Variants in ABCB11 observed in about 807,000 individuals in gnomAD.
The protein encoded by ABCB11 is ATP binding cassette subfamily B member 11.
In ABCB11, 95 loss-of-function variants were observed where a neutral mutation model predicts 148.0. The observed-to-expected ratio is 0.64, with a 90% CI of 0.54 to 0.76. ABCB11 has a LOEUF of 0.76. Among genes scored for constraint, ABCB11 ranks in the 30% least tolerant of loss-of-function variants. The pLI is 0.00. For synonymous variants in ABCB11, 591 were observed against 555.4 expected, an observed-to-expected ratio of 1.06 and a Z score of -0.90; for missense variants, 1,523 against 1,617.8, an observed-to-expected ratio of 0.94 and a Z score of 1.01.
chr2:169,002,760 T>TTACATAGAAGCAGAG (rs1320913506), intron 5 of ABCB11, among the ~76,000 whole-genome samples: 1 of 151,988 alleles, frequency 6.6e-6, no homozygotes, highest in Non-Finnish European at 1.5e-5. Context: ...AGTAAAATGG[T>TTACATAGAAGCAGAG]AGTTACTAAG....
rs184917626 is a variant in ABCB11 at position 168,927,013 on chromosome 2, T to C, written c.3618+143A>G. 26 of 720,452 alleles carry C rather than the reference T, an allele frequency of 3.6e-5. 1 individual carries two copies. Among genetic ancestry groups the C allele is most frequent in the African/African-American group, 2.8e-4 (16 of 57,034 alleles). The allele number at this position is 720,452 out of a possible 1,614,324, so 44.6% of individuals were successfully genotyped here. A position where few individuals can be genotyped will look rare whatever the true frequency, so the allele number is the denominator to read the frequency against. On this transcript the variant is annotated intron_variant, in intron 26 of 27. Coordinates refer to ENST00000650372, the MANE Select transcript of ABCB11 (RefSeq NM_003742.4). ...GTGAAATTTTCCACCTGTGGAATCA[T>C]GTTGGCATTCAAAAATTTTTGAATT...
intron 18 of ABCB11, among the ~76,000 whole-genome samples, chr2:168,960,307 T>TG (rs1693014206): frequency 6.6e-6 from 1 of 151,762 alleles, no homozygotes. Context: ...ATGTTTTAGA[T>TG]GTGTCAGCTG....
At chr2:168,918,876 T>A (rs1041762241), downstream of ABCB11, among the ~76,000 whole-genome samples, 7 of 152,190 alleles carry the variant, frequency 4.6e-5, no homozygotes, top group Non-Finnish European at 1.0e-4. Context: ...TCAGTATCTA[T>A]TGTTTTAATT....
chr2:169,007,367 A>G (rs1222773435), intron 5 of ABCB11, among the ~76,000 whole-genome samples: 1 of 152,224 alleles, frequency 6.6e-6, no homozygotes, highest in Non-Finnish European at 1.5e-5. Context: ...TCGTAGACTA[A>G]CCGTGAGTGT....
rs1256595738 is a variant in ABCB11 at position 168,935,441 on chromosome 2, G to C, written c.2815-16C>G. ...CATTTGTAATCTGAAGATTGAAAAAGAGTCTTAGGAATACAAGGGCAGAAA... is the reference window on the plus strand; with the variant it reads ...CATTTGTAATCTGAAGATTGAAAAACAGTCTTAGGAATACAAGGGCAGAAA... On this transcript the variant is annotated splice_polypyrimidine_tract_variant and intron_variant, in intron 22 of 27. Coordinates refer to ENST00000650372, the MANE Select transcript of ABCB11 (RefSeq NM_003742.4). 1 of 1,603,248 alleles carries C rather than the reference G, an allele frequency of 6.2e-7. No homozygotes were observed. Among genetic ancestry groups the C allele is most frequent in the Non-Finnish European group, 8.5e-7 (1 of 1,173,610 alleles).
intron 9 of ABCB11, among the ~76,000 whole-genome samples, chr2:168,986,711 T>C (rs1192884996): frequency 1.3e-5 from 2 of 152,146 alleles, no homozygotes; most frequent in African/African-American, 4.8e-5. Flanking sequence ...GGCTTGGAAC[T>C]AGTGTTTGCA....
rs149718272 is a variant in ABCB11, at chr2:168,988,470, T to A, written c.909-2186A>T. Among the ~76,000 whole-genome samples the A allele has an allele frequency of 1.6e-4, 24 of 152,230 alleles. No individual in the cohort carries two copies. In the East Asian group the frequency reaches 4.3e-3, roughly 27 times the overall value. On this transcript the variant is annotated intron_variant, in intron 9 of 27. Coordinates refer to ENST00000650372, the MANE Select transcript of ABCB11 (RefSeq NM_003742.4). The stretch of plus-strand genomic sequence containing the variant: ...AAAGGCTGAATAGTATTCTATTGAA[T>A]ATGGCATGTAAATTTACACACACAT...
intron 21 of ABCB11, among the ~76,000 whole-genome samples, chr2:168,939,895 G>C (rs1461269257): frequency 6.6e-6 from 1 of 151,886 alleles, no homozygotes; most frequent in East Asian, 1.9e-4. Flanking sequence ...ATCTGTTATG[G>C]TGATCTGTGA....
intron 26 of ABCB11, among the ~76,000 whole-genome samples, chr2:168,926,370 A>T (rs569805): frequency 0.73 from 111,564 of 152,102 alleles, 41,665 homozygotes; most frequent in East Asian, 0.97. Flanking sequence ...GGCCGCTTTC[A>T]TTGTGTGGCT....
intron 5 of ABCB11, among the ~76,000 whole-genome samples, chr2:169,012,265 G>C (rs1695209404): frequency 6.6e-6 from 1 of 152,078 alleles, no homozygotes; most frequent in Non-Finnish European, 1.5e-5. Context: ...GTTCCTATGT[G>C]CAAATAAGCT....
At chr2:168,930,639 A>G in intron 25 of ABCB11, 26 bp downstream of exon 25, 1 of 1,467,378 alleles carries the variant, frequency 6.8e-7, no homozygotes, top group South Asian at 1.6e-5. Flanking sequence ...AGAAGGCAAA[A>G]TTCTCAAAAA....
chr2:168,999,219 T>C (rs1694804074), intron 5 of ABCB11, among the ~76,000 whole-genome samples: 1 of 151,968 alleles, frequency 6.6e-6, no homozygotes, highest in African/African-American at 2.4e-5. Flanking sequence ...CAAATTATTA[T>C]GACATGAGGA....
At chr2:169,009,984 G>T (rs1464874706) in intron 5 of ABCB11, among the ~76,000 whole-genome samples, 1 of 152,148 alleles carries the variant, frequency 6.6e-6, no homozygotes, top group African/African-American at 2.4e-5. Flanking sequence ...GACAGGCCTA[G>T]ATTTCTGCAT....
At chr2:169,013,818 A>G (rs1357547185) in intron 4 of ABCB11, among the ~76,000 whole-genome samples, 1 of 152,176 alleles carries the variant, frequency 6.6e-6, no homozygotes, top group East Asian at 1.9e-4. Flanking sequence ...CTTAGGGGAA[A>G]ATAATCACTG....
chr2:168,970,703 A>G (rs1693547440), intron 14 of ABCB11: 1 of 246,884 alleles, frequency 4.1e-6, no homozygotes, highest in Non-Finnish European at 8.1e-6. Flanking sequence ...CAACATTGGA[A>G]TCTAATAATT....
At chr2:168,977,373 C>A (rs1693954676) in intron 11 of ABCB11, among the ~76,000 whole-genome samples, 1 of 152,088 alleles carries the variant, frequency 6.6e-6, no homozygotes, top group Non-Finnish European at 1.5e-5. Flanking sequence ...TTTTGAGTAT[C>A]CATGGTAGAT....
At chr2:168,917,163 A>G (rs1422374191), downstream of ABCB11, among the ~76,000 whole-genome samples, 2 of 151,812 alleles carry the variant, frequency 1.3e-5, no homozygotes, top group African/African-American at 2.4e-5. Context: ...GCACATGTAG[A>G]GTACATTTAG....
intron 1 of ABCB11, among the ~76,000 whole-genome samples, chr2:169,019,765 A>G (rs1195675807): frequency 6.6e-6 from 1 of 152,254 alleles, no homozygotes; most frequent in Non-Finnish European, 1.5e-5. Flanking sequence ...ACAGACTGAC[A>G]GAAGTTTTCT....
chr2:168,973,569 G>C (rs536474250), intron 13 of ABCB11, 146 bp downstream of exon 13: 1 of 980,798 alleles, frequency 1.0e-6, no homozygotes, highest in African/African-American at 1.6e-5. Flanking sequence ...TAGGAAGCGT[G>C]TCCCATCAAT....
Sources: gnomAD v4.1 joint callset for allele counts (sites outside exome capture counted in the v4.1 genomes callset) on GRCh38, gnomAD v4.1.1 for gene constraint, MANE v1.5 for transcripts, NCBI Gene and HGNC (gene_info 2026-07-23, HGNC 2026-07-21) for gene names.